Variants in EML5 observed in about 807,000 individuals in gnomAD.
EML5 encodes echinoderm microtubule-associated protein-like 5.
EML5 carries 120 observed loss-of-function variants against 250.0 expected under a neutral mutation model. The observed-to-expected ratio is 0.48, with a 90% confidence interval of 0.41 to 0.56. The LOEUF (loss-of-function observed/expected upper bound fraction) is 0.56. Among genes scored for constraint, EML5 ranks in the 20% least tolerant of loss-of-function variants. The pLI is 0.00. For missense variants in EML5, 2,006 were observed against 2,437.6 expected (o/e 0.82, Z 3.73); for synonymous variants, 771 against 806.5 (o/e 0.96, Z 0.75).
rs370997285 is a variant in EML5 at position 88,762,292 on chromosome 14, C to A, written c.198-7621G>T. On this transcript the variant is annotated intron_variant, in intron 1 of 43. Transcript: ENST00000554922. The stretch of plus-strand genomic sequence containing the variant: ...TTGGGAGGCCGAGGCAGGTGGATCA[C>A]CTGAGGTCGGGAGTTCGAGACTAGC... Among the ~76,000 whole-genome samples the A allele has an allele frequency of 7.9e-5, 12 of 152,270 alleles. 1 individual carries two copies. The South Asian group carries it at 2.5e-3, about 32-fold the overall frequency.
At position 88,616,822 on chromosome 14, in the gene EML5, G is replaced by C. The variant is rs755142877; in HGVS notation, c.5700C>G (p.Val1900=). ...IWSRHAEKAD[V]NCACVSHSGI... Reference sequence around the variant, plus strand: ...CTGAATGAGATACACAGGCACAGTTGACATCAGCTTTCTCAGCATGTCTGG... The same window carrying C: ...CTGAATGAGATACACAGGCACAGTTCACATCAGCTTTCTCAGCATGTCTGG... The change falls in exon 42 of 44, where the codon GTC becomes GTG. Residue 1900 remains valine (V), a synonymous_variant. Coordinates refer to ENST00000554922, the MANE Select transcript of EML5 (RefSeq NM_183387.3). The C allele has an allele frequency of 1.2e-6, 2 of 1,613,762 alleles. No homozygotes were observed. Among genetic ancestry groups the C allele is most frequent in the East Asian group, 2.2e-5 (1 of 44,868 alleles).
chr14:88,746,113 T>TA, intron 3 of EML5, 72 bp downstream of exon 3: 1 of 1,241,774 alleles, frequency 8.1e-7, no homozygotes, highest in East Asian at 2.3e-5. Flanking sequence ...TACAGAAGAA[T>TA]AAAATCTCCT....
Position 88,738,949 on chromosome 14 carries a change from A to T in EML5, c.777T>A (p.Ile259=). The T allele has an allele frequency of 6.2e-7, 1 of 1,607,184 alleles. No homozygotes were observed. Among genetic ancestry groups the T allele is most frequent in the Non-Finnish European group, 8.5e-7 (1 of 1,176,926 alleles). ...GTTTAAAAGTTAAATCCCAAAGACG[A>T]ATACAACCATCTCTGCCACCAGTAG... ...GFATGGRDGC[I]RLWDLTFKPI... is the part of the protein sequence containing the mutation. The change falls in exon 6 of 44, where the codon ATT becomes ATA. Residue 259 remains isoleucine, a synonymous_variant. Coordinates refer to ENST00000554922, the MANE Select transcript of EML5 (RefSeq NM_183387.3).
chr14:88,780,154 G>A (rs1027854053), intron 1 of EML5, among the ~76,000 whole-genome samples: 13 of 151,988 alleles, frequency 8.6e-5, no homozygotes, highest in Non-Finnish European at 1.8e-4. Context: ...GTTTCACCAT[G>A]TTGGCCAGGC....
chr14:88,625,166 A>C, intron 35 of EML5, 39 bp from the exon 36 acceptor site: 1 of 1,606,988 alleles, frequency 6.2e-7, no homozygotes, highest in South Asian at 1.1e-5. Flanking sequence ...AACTCATCAA[A>C]AGTTCAAATA....
chr14:88,636,788 C>T (rs2090764057), intron 32 of EML5, among the ~76,000 whole-genome samples: 1 of 152,098 alleles, frequency 6.6e-6, no homozygotes, highest in African/African-American at 2.4e-5. Flanking sequence ...AGAATGAGGG[C>T]CAAAGAGTAG....
intron 21 of EML5, among the ~76,000 whole-genome samples, chr14:88,680,647 G>A (rs906979967): frequency 6.6e-6 from 1 of 151,518 alleles, no homozygotes; most frequent in Non-Finnish European, 1.5e-5. Flanking sequence ...TTAATTTTAG[G>A]TTCCAAAATA....
rs765508500 is a variant in EML5 at position 88,644,472 on chromosome 14, G to A, written c.4068C>T (p.Leu1356=). The part of the protein sequence containing the change: ...VSRAPPQPEK[L]QTNNVGKKKR... The stretch of plus-strand genomic sequence containing the variant: ...TTTTCTTGCCTACATTGTTTGTCTG[G>A]AGTTTCTCTGGCTGTGGTGGGGCCC... Residue 1356 remains leucine (L), a synonymous_variant, in exon 30 of 44, where the codon CTC becomes CTT. Coordinates refer to ENST00000554922, the MANE Select transcript of EML5 (RefSeq NM_183387.3). The A allele has an allele frequency of 7.4e-6, 12 of 1,613,708 alleles. No individual in the cohort carries two copies. Among genetic ancestry groups the A allele is most frequent in the South Asian group, 3.3e-5 (3 of 91,062 alleles).
intron 1 of EML5, among the ~76,000 whole-genome samples, chr14:88,786,814 G>A (rs939877502): frequency 6.6e-6 from 1 of 152,186 alleles, no homozygotes; most frequent in Admixed American, 6.5e-5. Flanking sequence ...CCAGCCATGT[G>A]GAACTGTCAA....
At chr14:88,731,204 T>C (rs1310182097) in intron 7 of EML5, among the ~76,000 whole-genome samples, 1 of 150,854 alleles carries the variant, frequency 6.6e-6, no homozygotes, top group Non-Finnish European at 1.5e-5. Context: ...TATCTCCTAA[T>C]GTTATCCCTC....
At chr14:88,687,653 A>T (rs1428245344) in intron 18 of EML5, among the ~76,000 whole-genome samples, 2 of 136,712 alleles carry the variant, frequency 1.5e-5, no homozygotes, top group Non-Finnish European at 3.0e-5. Context: ...CATCCTTAAA[A>T]AGAGAAAACA....
Position 88,661,696 on chromosome 14 carries a change from C to G in EML5, c.3633G>C (p.Gly1211=). The part of the protein sequence containing the change: ...LTSDKMVLAT[G]DDLGFVKLFR... The stretch of plus-strand genomic sequence containing the variant: ...ATAACTTCACAAATCCCAAATCGTC[C>G]CCGGTAGCTAGAACCATTTTGTCAC... The change falls in exon 25 of 44, where the codon GGG becomes GGC. Residue 1211 remains glycine (G), a synonymous_variant. Transcript: ENST00000554922. 6.2e-7 allele frequency: 1 copy of G among 1,613,138 alleles called. No individual in the cohort carries two copies. Among genetic ancestry groups the G allele is most frequent in the East Asian group, 2.2e-5 (1 of 44,796 alleles).
intron 35 of EML5, chr14:88,626,329 GT>G (rs2089938812): frequency 6.5e-6 from 1 of 153,964 alleles, no homozygotes; most frequent in Non-Finnish European, 1.4e-5. Context: ...GGAATCAAAT[GT>G]TCATCAGAAT....
intron 27 of EML5, among the ~76,000 whole-genome samples, chr14:88,651,623 C>G (rs965799071): frequency 6.6e-6 from 1 of 152,002 alleles, no homozygotes; most frequent in Non-Finnish European, 1.5e-5. Context: ...CCATAGAACA[C>G]TTTTCACTTT....
intron 31 of EML5, 85 bp downstream of exon 31, chr14:88,642,808 A>G (rs370442538): frequency 7.8e-7 from 1 of 1,284,242 alleles, no homozygotes; most frequent in Non-Finnish European, 1.1e-6. Context: ...TACTATTTAT[A>G]GCTTTAACAA....
chr14:88,789,505 A>C (rs1339264937), intron 1 of EML5, among the ~76,000 whole-genome samples: 2 of 150,030 alleles, frequency 1.3e-5, no homozygotes, highest in Non-Finnish European at 3.0e-5. Context: ...AGGTGATAAT[A>C]AAATGGTCAA....
chr14:88,759,121 C>A lies in EML5; in HGVS notation c.198-4450G>T, dbSNP rs146208473. Among the ~76,000 whole-genome samples the A allele has an allele frequency of 1.7e-4, 26 of 152,168 alleles. 1 individual carries two copies. Among genetic ancestry groups the A allele is most frequent in the South Asian group, 4.1e-4 (2 of 4,826 alleles). On this transcript the variant is annotated intron_variant, in intron 1 of 43. Coordinates refer to ENST00000554922, the MANE Select transcript of EML5 (RefSeq NM_183387.3). ...CTATACTAAAAATCACTGAATTGTG[C>A]ACTTAAAGTGTACATTTTATGTTAT... is the stretch of plus-strand genomic sequence containing the variant.
Position 88,614,260 on chromosome 14 carries a change from AG to A in EML5, c.*1557del, listed in dbSNP as rs1387213254. On this transcript the variant is annotated 3_prime_UTR_variant, in exon 44 of 44. Transcript: ENST00000554922. ...GTAAATACATGAGTAGAAACTTAAT[AG>A]TCATGTATTTCAAAATTTGGCTTAA... is the stretch of plus-strand genomic sequence containing the variant. 6.6e-6 allele frequency: 1 copy of A among 152,166 alleles called. No homozygotes were observed. Among genetic ancestry groups the A allele is most frequent in the East Asian group, 1.9e-4 (1 of 5,202 alleles). The allele number at this position is 152,166 out of a possible 1,614,324, so 9.4% of individuals were successfully genotyped here.
At chr14:88,656,000 T>C (rs1002793893) in intron 27 of EML5, among the ~76,000 whole-genome samples, 7 of 152,132 alleles carry the variant, frequency 4.6e-5, no homozygotes, top group Admixed American at 2.6e-4. Flanking sequence ...GAAACAGCAA[T>C]GCTTTTACAC....
Sources: allele counts gnomAD v4.1 joint callset (sites outside exome capture counted in the v4.1 genomes callset), GRCh38; gene constraint gnomAD v4.1.1; transcripts MANE v1.5; gene names NCBI Gene and HGNC (gene_info 2026-07-23, HGNC 2026-07-21).